The following DMD variants were observed in gnomAD, a reference collection of about 807,000 sequenced individuals.
DMD encodes the protein mutant dystrophin.
In DMD, 63 loss-of-function variants were observed where a neutral mutation model predicts 330.1. The ratio of observed to expected loss-of-function variants is 0.19; its 90% CI spans 0.16 to 0.24. The LOEUF (loss-of-function observed/expected upper bound fraction) is 0.24. DMD is among the 10% of genes least tolerant of loss of function. The pLI is 1.00. For missense variants in DMD, 3,344 were observed against 2,684.1 expected (o/e 1.25, Z -5.43); for synonymous variants, 1,223 against 959.8 (o/e 1.27, Z -5.07).
Position 32,546,388 on chromosome X carries a change from G to A in DMD, c.1993-1054C>T, listed in dbSNP as rs896097974. Among the ~76,000 whole-genome samples, 5 of 109,202 alleles carry A rather than the reference G, an allele frequency of 4.6e-5. 1 individual carries two copies. In the Admixed American group the frequency reaches 5.0e-4, roughly 11 times the overall value. The allele number at this position is 109,202 out of a possible 115,157, so 94.8% of individuals were successfully genotyped here. A position where few individuals can be genotyped will look rare whatever the true frequency, so the allele number is the denominator to read the frequency against. Reference sequence around the variant, plus strand: ...AGGAGCAGGGATCTGGCTGGGTCAAGATTCATTTTAGCAATTTTCCTGAAT... The same window carrying A: ...AGGAGCAGGGATCTGGCTGGGTCAAAATTCATTTTAGCAATTTTCCTGAAT... On this transcript the variant is annotated intron_variant, in intron 16 of 78. Transcript: ENST00000357033.
chrX:32,678,495 TGTCC>T (rs1301072399), intron 9 of DMD, among the ~76,000 whole-genome samples: 4 of 108,798 alleles, frequency 3.7e-5, no homozygotes, highest in African/African-American at 1.4e-4. Context: ...TGTGTTTGCG[TGTCC>T]GTGTGTGTGT....
intron 55 of DMD, among the ~76,000 whole-genome samples, chrX:31,584,266 AC>A (rs1374326012): frequency 1.0e-5 from 1 of 98,073 alleles, no homozygotes; most frequent in Non-Finnish European, 2.0e-5. Flanking sequence ...CCCTCGCCCC[AC>A]CCCCCGACAG....
chrX:31,446,227 T>C (rs1432358101), intron 59 of DMD, among the ~76,000 whole-genome samples: 1 of 112,314 alleles, frequency 8.9e-6, no homozygotes, highest in Non-Finnish European at 1.9e-5. Flanking sequence ...CAAAACATTG[T>C]GATAATCACT....
intron 41 of DMD, among the ~76,000 whole-genome samples, chrX:32,332,146 AAG>A (rs2097683271): frequency 8.9e-6 from 1 of 111,907 alleles, no homozygotes; most frequent in African/African-American, 3.2e-5. Context: ...TCTAAGCACT[AAG>A]AGAATCTTAA....
intron 62 of DMD, among the ~76,000 whole-genome samples, chrX:31,288,160 G>C (rs1274001717): frequency 9.0e-6 from 1 of 111,712 alleles, no homozygotes; most frequent in Non-Finnish European, 1.9e-5. Context: ...AAAAGTGGGG[G>C]CGGGAGAGGA....
intron 62 of DMD, among the ~76,000 whole-genome samples, chrX:31,274,806 T>A (rs2051968124): frequency 8.9e-6 from 1 of 112,204 alleles, no homozygotes; most frequent in Non-Finnish European, 1.9e-5. Context: ...TATTTGCTTA[T>A]CATTTAAACT....
intron 9 of DMD, among the ~76,000 whole-genome samples, chrX:32,661,007 T>C (rs2060908345): frequency 9.0e-6 from 1 of 111,392 alleles, no homozygotes; most frequent in Non-Finnish European, 1.9e-5. Context: ...ACATTATGCA[T>C]CCTATTAAGG....
At chrX:32,721,719 T>C (rs1233168826) in intron 7 of DMD, among the ~76,000 whole-genome samples, 1 of 111,379 alleles carries the variant, frequency 9.0e-6, no homozygotes, top group Non-Finnish European at 1.9e-5. Context: ...ATTTTTGTTT[T>C]CTTGCCTGAA....
At chrX:32,770,703 T>C (rs1603393960) in intron 7 of DMD, among the ~76,000 whole-genome samples, 1 of 112,118 alleles carries the variant, frequency 8.9e-6, no homozygotes, top group African/African-American at 3.2e-5. Flanking sequence ...TTTAAGTTCC[T>C]ACTGTTTTAG....
chrX:32,809,308 G>A (rs1385456531), intron 7 of DMD, among the ~76,000 whole-genome samples, 185 bp downstream of exon 7: 2 of 111,818 alleles, frequency 1.8e-5, no homozygotes, highest in African/African-American at 3.2e-5. Flanking sequence ...CTGGTATTTT[G>A]AGAACTAGAA....
chrX:31,611,477 G>C (rs927615227), intron 55 of DMD, among the ~76,000 whole-genome samples: 1 of 111,910 alleles, frequency 8.9e-6, no homozygotes. Flanking sequence ...TTTAGAGTCT[G>C]TTAGCTGAAG....
intron 2 of DMD, among the ~76,000 whole-genome samples, chrX:32,854,562 C>A (rs2081384272): frequency 1.1e-5 from 1 of 90,613 alleles, no homozygotes. Context: ...CAGCAATAAG[C>A]ACTTGTATCA....
intron 45 of DMD, among the ~76,000 whole-genome samples, chrX:31,944,778 G>A (rs921489889): frequency 9.1e-6 from 1 of 109,620 alleles, no homozygotes; most frequent in Non-Finnish European, 1.9e-5. Context: ...AGAGTGCTGG[G>A]ATTACAGGCG....
rs745588154 is a variant in DMD, at chrX:32,308,077, G to GTA, written c.6117+2003_6117+2004dup. The stretch of plus-strand genomic sequence containing the variant: ...CTATTAAATGCAGATTTCCACATAT[G>GTA]TATATATATATACGTATATATATAT... On this transcript the variant is annotated intron_variant, in intron 42 of 78. Transcript: ENST00000357033. 5.4e-4 allele frequency among the ~76,000 whole-genome samples: 59 copies of GTA among 109,053 alleles called. No individual in the cohort carries two copies. The East Asian group carries it at 7.5e-3, about 14-fold the overall frequency. The allele number at this position is 109,053 out of a possible 115,157, so 94.7% of individuals were successfully genotyped here.
At chrX:32,509,268 C>T (rs951015437) in intron 18 of DMD, among the ~76,000 whole-genome samples, 1 of 108,752 alleles carries the variant, frequency 9.2e-6, no homozygotes, top group Non-Finnish European at 1.9e-5. Flanking sequence ...GCCACCCATA[C>T]GTTCGTCCTC....
At chrX:31,403,403 C>T (rs1272797770) in intron 60 of DMD, among the ~76,000 whole-genome samples, 1 of 111,608 alleles carries the variant, frequency 9.0e-6, no homozygotes, top group Non-Finnish European at 1.9e-5. Flanking sequence ...GACGTTAAAT[C>T]CGCTGTTCTG....
chrX:32,706,093 G>A lies in DMD; in HGVS notation c.650-6800C>T, dbSNP rs1318403575. Among the ~76,000 whole-genome samples the A allele has an allele frequency of 1.4e-4, 15 of 106,821 alleles. 1 individual carries two copies. Among genetic ancestry groups the A allele is most frequent in the African/African-American group, 4.1e-4 (12 of 28,998 alleles). 92.8% of individuals were successfully genotyped at this position (106,821 alleles called of 115,157 possible). On this transcript the variant is annotated intron_variant, in intron 7 of 78. Coordinates refer to ENST00000357033, the MANE Select transcript of DMD (RefSeq NM_004006.3). ...CCTTTGTAGGGACATGGATGAAGCT[G>A]GAAACCATCATTCTCAGCAAACTAT... is the stretch of plus-strand genomic sequence containing the variant.
intron 55 of DMD, among the ~76,000 whole-genome samples, chrX:31,573,439 C>A (rs1458815640): frequency 1.8e-5 from 2 of 111,502 alleles, no homozygotes; most frequent in East Asian, 5.6e-4. Context: ...ATGCTAACTT[C>A]TACACTGGGA....
intron 13 of DMD, among the ~76,000 whole-genome samples, chrX:32,575,054 T>G (rs756888436): frequency 1.8e-5 from 2 of 110,470 alleles, no homozygotes; most frequent in African/African-American, 3.3e-5. Context: ...TCCACCACCA[T>G]GTCTGGCTAA....
Sources: allele counts gnomAD v4.1 joint callset (sites outside exome capture counted in the v4.1 genomes callset), GRCh38; gene constraint gnomAD v4.1.1; transcripts MANE v1.5; gene names NCBI Gene and HGNC (gene_info 2026-07-23, HGNC 2026-07-21).